Variants in LDB3 observed in about 807,000 individuals in gnomAD.
LDB3 encodes the protein LIM domain-binding protein 3.
Under a neutral mutation model 69.0 loss-of-function variants are expected in LDB3, and 49 were observed. The ratio of observed to expected loss-of-function variants is 0.71; its 90% CI spans 0.56 to 0.90. The LOEUF is 0.90. LDB3 is among the 40% of genes least tolerant of loss of function. The probability of loss-of-function intolerance (pLI) is 0.00; values close to 1 mark genes in which losing one functional copy is unlikely to be tolerated. For missense variants in LDB3, 928 were observed against 974.1 expected (o/e 0.95, Z 0.63); for synonymous variants, 387 against 396.2 (o/e 0.98, Z 0.28).
At position 86,680,285 on chromosome 10, in the gene LDB3, T is replaced by C. The variant is rs927590617; in HGVS notation, c.321+128T>C. On this transcript the variant is annotated intron_variant, in intron 4 of 13. Transcript: ENST00000361373. Reference sequence around the variant, plus strand: ...CGTGGGATCAGCCCTGCCCCATCCCTGCCCCTGCTGCAGCTGACCCTGGGG... The same window carrying C: ...CGTGGGATCAGCCCTGCCCCATCCCCGCCCCTGCTGCAGCTGACCCTGGGG... 4 of 801,612 alleles carry C rather than the reference T, an allele frequency of 5.0e-6. No individual in the cohort carries two copies. In the African/African-American group the frequency reaches 6.8e-5, roughly 14 times the overall value. 49.7% of individuals were successfully genotyped at this position (801,612 alleles called of 1,614,324 possible).
chr10:86,727,378 G>A (rs1847291504), intron 13 of LDB3, among the ~76,000 whole-genome samples: 1 of 151,982 alleles, frequency 6.6e-6, no homozygotes. Flanking sequence ...GTGTCTCAAG[G>A]TAAATTTTGG....
Position 86,699,059 on chromosome 10 carries a change from C to T in LDB3, c.896+6488C>T, listed in dbSNP as rs1028694347. 1.3e-5 allele frequency among the ~76,000 whole-genome samples: 2 copies of T among 152,104 alleles called. No individual in the cohort carries two copies. The highest frequency in any genetic ancestry group is 4.8e-5 in the African/African-American group (2 of 41,424). ...CATCCTGGTCCCCAAGACTCTCGGTCTTCCCCTAACCCAGGCCTGACCTGG... is the reference window on the plus strand; with the variant it reads ...CATCCTGGTCCCCAAGACTCTCGGTTTTCCCCTAACCCAGGCCTGACCTGG... On this transcript the variant is annotated intron_variant, in intron 7 of 13. Transcript: ENST00000361373. The surrounding 1 kb of genome is among the most constrained non-coding windows in gnomAD (Gnocchi z 4.9).
In LDB3 at chr10:86,733,081, G is replaced by A; in HGVS notation, c.*105G>A. The A allele has an allele frequency of 8.8e-6, 7 of 795,616 alleles. No individual in the cohort carries two copies. The allele number at this position is 795,616 out of a possible 1,614,324, so 49.3% of individuals were successfully genotyped here. ...CTTCTGAGGGGAATGGGGAGAGAGAGGAAGCGACTGAGCCCTTTGGAAGTA... is the reference window on the plus strand; with the variant it reads ...CTTCTGAGGGGAATGGGGAGAGAGAAGAAGCGACTGAGCCCTTTGGAAGTA... On this transcript the variant is annotated 3_prime_UTR_variant, in exon 14 of 14. Coordinates refer to ENST00000361373, the MANE Select transcript of LDB3 (RefSeq NM_007078.3).
At position 86,692,019 on chromosome 10, in the gene LDB3, G is replaced by A; in HGVS notation, c.813G>A (p.Gln271=). Residue 271 remains glutamine (Q), a synonymous_variant, in exon 6 of 14, where the codon CAG becomes CAA. Transcript: ENST00000361373. ...GGGCACGCCGTTCCTCCAACCTGCAGTCTCGCTCCTTCCGCATCCTGGCCC... is the reference window on the plus strand; with the variant it reads ...GGGCACGCCGTTCCTCCAACCTGCAATCTCGCTCCTTCCGCATCCTGGCCC... ...DEWARRSSNL[Q]SRSFRILAQM... 6.2e-7 allele frequency: 1 copy of A among 1,614,184 alleles called. No homozygotes were observed. Among genetic ancestry groups the A allele is most frequent in the Non-Finnish European group, 8.5e-7 (1 of 1,180,046 alleles).
chr10:86,677,239 A>G (rs1844846261), intron 2 of LDB3, among the ~76,000 whole-genome samples: 1 of 152,196 alleles, frequency 6.6e-6, no homozygotes, highest in Non-Finnish European at 1.5e-5. Context: ...GGTGGGAGTC[A>G]GGTCATAAAG....
upstream of LDB3, chr10:86,668,421 G>A (rs745564454): frequency 7.8e-5 from 42 of 536,362 alleles, no homozygotes; most frequent in African/African-American, 4.4e-4. Context: ...GCTGGGAGGC[G>A]GCAGGCTGGC....
In LDB3 at chr10:86,681,818, T is replaced by A; in HGVS notation, c.689+15T>A. Reference sequence around the variant, plus strand: ...CTCCCAGGAGGGTAGGTAACGGACATACAGCTCTCCACAGGTGGCCTGGGC... The same window carrying A: ...CTCCCAGGAGGGTAGGTAACGGACAAACAGCTCTCCACAGGTGGCCTGGGC... On this transcript the variant is annotated intron_variant, in intron 5 of 13. Coordinates refer to ENST00000361373, the MANE Select transcript of LDB3 (RefSeq NM_007078.3). 1 of 1,580,494 alleles carries A rather than the reference T, an allele frequency of 6.3e-7. No homozygotes were observed. The highest frequency in any genetic ancestry group is 8.6e-7 in the Non-Finnish European group (1 of 1,165,398).
intron 2 of LDB3, among the ~76,000 whole-genome samples, chr10:86,678,838 C>T (rs1399847742): frequency 6.6e-6 from 1 of 152,014 alleles, no homozygotes; most frequent in East Asian, 1.9e-4. Context: ...AGGGTCTGGG[C>T]TCCTTTGCCT....
chr10:86,692,510 CT>C, intron 6 of LDB3, 24 bp from the exon 7 acceptor site: 1 of 1,613,912 alleles, frequency 6.2e-7, no homozygotes, highest in Admixed American at 1.7e-5. Flanking sequence ...CGTGAGTCCC[CT>C]GACCAGCTCC....
chr10:86,692,402 C>G (rs574936592), intron 6 of LDB3, 133 bp from the exon 7 acceptor site: 1 of 931,838 alleles, frequency 1.1e-6, no homozygotes, highest in African/African-American at 1.6e-5. Context: ...GCCCAGCACA[C>G]AGTGGACAGG....
At chr10:86,710,247 G>A in intron 9 of LDB3, 197 bp downstream of exon 9, 2 of 985,422 alleles carry the variant, frequency 2.0e-6, no homozygotes, top group African/African-American at 1.7e-5. Context: ...GGAGACAGGT[G>A]AGCAAGAAAG....
rs1564668281 is a variant in LDB3, at chr10:86,735,674, G to C, written c.*2698G>C. On this transcript the variant is annotated 3_prime_UTR_variant, in exon 14 of 14. Coordinates refer to ENST00000361373, the MANE Select transcript of LDB3 (RefSeq NM_007078.3). ...CAGGCGCCTGTAGTTCCAGCTACTT[G>C]GGAGGCTGAGGCAGGAATCTCCTGA... 2.0e-5 allele frequency: 3 copies of C among 151,826 alleles called. No individual in the cohort carries two copies. The highest frequency in any genetic ancestry group is 7.2e-5 in the African/African-American group (3 of 41,384). 9.4% of individuals were successfully genotyped at this position (151,826 alleles called of 1,614,324 possible).
chr10:86,672,316 T>C (rs562207311), intron 2 of LDB3, among the ~76,000 whole-genome samples: 1 of 152,262 alleles, frequency 6.6e-6, no homozygotes, highest in East Asian at 1.9e-4. Context: ...CCACCCCGCC[T>C]GCAGGCTCAC....
chr10:86,671,885 G>GT lies in LDB3; in HGVS notation c.93+3101_93+3102insT, dbSNP rs1485314360. Among the ~76,000 whole-genome samples the GT allele has an allele frequency of 5.9e-5, 9 of 152,334 alleles. No homozygotes were observed. In the East Asian group the frequency reaches 1.7e-3, roughly 29 times the overall value. On this transcript the variant is annotated intron_variant, in intron 2 of 13. Transcript: ENST00000361373. ...CCCAGCACTTTGGGAGGCCGAGGGG[G>GT]CAGACCACTTGAGGTCAGGAGTTTG...
intron 7 of LDB3, among the ~76,000 whole-genome samples, chr10:86,701,523 C>CGGTG (rs920641612): frequency 3.3e-5 from 5 of 152,170 alleles, no homozygotes; most frequent in African/African-American, 1.2e-4. Flanking sequence ...ATTCAGCATC[C>CGGTG]GGTGTCTGTG....
chr10:86,704,812 G>A (rs941764729), intron 7 of LDB3, among the ~76,000 whole-genome samples: 35 of 151,864 alleles, frequency 2.3e-4, no homozygotes, highest in African/African-American at 8.0e-4. Context: ...TCGATCTCCT[G>A]ACCTCGTGAT....
intron 5 of LDB3, among the ~76,000 whole-genome samples, chr10:86,688,193 C>A (rs779957812): frequency 1.1e-4 from 17 of 152,110 alleles, no homozygotes; most frequent in Non-Finnish European, 7.3e-5. Context: ...TCGGCAACAT[C>A]TTATCCCTGG....
Position 86,668,656 on chromosome 10 carries a change from C to A in LDB3, c.-23-13C>A, listed in dbSNP as rs1844283449. The A allele has an allele frequency of 2.6e-6, 4 of 1,545,956 alleles. No homozygotes were observed. Among genetic ancestry groups the A allele is most frequent in the Non-Finnish European group, 3.6e-6 (4 of 1,118,708 alleles). Reference sequence around the variant, plus strand: ...TGCCCTCTCACTCAACCCTCTCTACCCTTTGTCTGCAGAGGCGGCCGCTGA... The same window carrying A: ...TGCCCTCTCACTCAACCCTCTCTACACTTTGTCTGCAGAGGCGGCCGCTGA... On this transcript the variant is annotated splice_polypyrimidine_tract_variant and intron_variant, in intron 1 of 13. Transcript: ENST00000361373.
At chr10:86,692,683 A>G (rs938476527) in intron 7 of LDB3, 112 bp downstream of exon 7, 10 of 1,019,566 alleles carry the variant, frequency 9.8e-6, no homozygotes, top group Non-Finnish European at 1.6e-5. Flanking sequence ...ATGGATTTGG[A>G]AAGCCTGGCC....
Sources: allele counts gnomAD v4.1 joint callset (sites outside exome capture counted in the v4.1 genomes callset), GRCh38; gene constraint gnomAD v4.1.1; non-coding constraint Gnocchi (gnomAD v3.1); transcripts MANE v1.5; gene names NCBI Gene and HGNC (gene_info 2026-07-23, HGNC 2026-07-21).